The following LDOC1 variants were observed in gnomAD, a reference collection of about 807,000 sequenced individuals.
The protein encoded by LDOC1 is LDOC1 regulator of NFKB signaling.
LDOC1 carries 1 observed loss-of-function variant against 4.9 expected under a neutral mutation model. That is an observed-to-expected ratio of 0.20 (90% confidence interval 0.07 to 0.96). LDOC1 has a LOEUF of 0.96. Among genes scored for constraint, LDOC1 ranks in the 40% least tolerant of loss-of-function variants. The pLI is 0.62. For synonymous variants in LDOC1, 55 were observed against 58.3 expected (o/e 0.94, Z 0.26); for missense variants, 76 against 128.1 (o/e 0.59, Z 1.96).
upstream of LDOC1, chrX:141,177,129 CG>C: frequency 1.3e-5 from 7 of 558,270 alleles, no homozygotes; most frequent in Non-Finnish European, 1.3e-5. Context: ...TGGCCAGGGG[CG>C]GGGGGCGGGG....
Position 141,175,924 on chromosome X carries a change from A to C in LDOC1, c.*657T>G, listed in dbSNP as rs1205107123. 1 of 113,751 alleles carries C rather than the reference A, an allele frequency of 8.8e-6. No homozygotes were observed. Among genetic ancestry groups the C allele is most frequent in the African/African-American group, 3.2e-5 (1 of 30,891 alleles). The allele number at this position is 113,751 out of a possible 1,213,427, so 9.4% of individuals were successfully genotyped here. ...AATGACAGCTGTGTAAAACCAGTGCATAGGAAAAAAGAAGTGTCAACAATT... is the reference window on the plus strand; with the variant it reads ...AATGACAGCTGTGTAAAACCAGTGCCTAGGAAAAAAGAAGTGTCAACAATT... On this transcript the variant is annotated 3_prime_UTR_variant, in exon 1 of 1. Coordinates refer to ENST00000370526, the MANE Select transcript of LDOC1 (RefSeq NM_012317.4).
Position 141,177,041 on chromosome X carries a change from C to T in LDOC1, c.-20G>A. The T allele has an allele frequency of 8.4e-7, 1 of 1,187,231 alleles. No individual in the cohort carries two copies. Among genetic ancestry groups the T allele is most frequent in the Non-Finnish European group, 1.1e-6 (1 of 881,327 alleles). On this transcript the variant is annotated 5_prime_UTR_variant, in exon 1 of 1. Transcript: ENST00000370526. Reference sequence around the variant, plus strand: ...CACCATTGCGAACGGCCTGGAAGGACAGGACTCGGCTCGGTTCGGCTCGGC... The same window carrying T: ...CACCATTGCGAACGGCCTGGAAGGATAGGACTCGGCTCGGTTCGGCTCGGC...
At position 141,176,363 on chromosome X, in the gene LDOC1, G is replaced by GA. The variant is rs1235741590; in HGVS notation, c.*217dup. On this transcript the variant is annotated 3_prime_UTR_variant, in exon 1 of 1. Transcript: ENST00000370526. ...CACTTCCAAGCACTTCCGAGTGAGT[G>GA]AGGCTCCAGCCCCGACCCCAGCAGC... 4 of 467,407 alleles carry GA rather than the reference G, an allele frequency of 8.6e-6. No individual in the cohort carries two copies. In the African/African-American group the frequency reaches 9.8e-5, roughly 11 times the overall value. The allele number at this position is 467,407 out of a possible 1,213,427, so 38.5% of individuals were successfully genotyped here. A position where few individuals can be genotyped will look rare whatever the true frequency, so the allele number is the denominator to read the frequency against.
rs1324076118 is a variant in LDOC1 at position 141,173,862 on chromosome X, A to G, written c.*2719T>C. 1.8e-5 allele frequency among the ~76,000 whole-genome samples: 2 copies of G among 111,828 alleles called. No homozygotes were observed. Among genetic ancestry groups the G allele is most frequent in the African/African-American group, 6.5e-5 (2 of 30,722 alleles). ...ATTCCCAGATCTAATCACAGCCCAG[A>G]TTCTCTTCCTGGCCCTTTCCTGTAA... On this transcript the variant is annotated 3_prime_UTR_variant, in exon 1 of 1. Transcript: ENST00000370526.
Position 141,176,359 on chromosome X carries a change from G to A in LDOC1, c.*222C>T. 2.2e-6 allele frequency: 1 copy of A among 460,112 alleles called. No homozygotes were observed. Among genetic ancestry groups the A allele is most frequent in the East Asian group, 3.7e-5 (1 of 26,812 alleles). The allele number at this position is 460,112 out of a possible 1,213,427, so 37.9% of individuals were successfully genotyped here. A position where few individuals can be genotyped will look rare whatever the true frequency, so the allele number is the denominator to read the frequency against. On this transcript the variant is annotated 3_prime_UTR_variant, in exon 1 of 1. Transcript: ENST00000370526. ...ATGACACTTCCAAGCACTTCCGAGT[G>A]AGTGAGGCTCCAGCCCCGACCCCAG...
chrX:141,173,751 C>T lies in LDOC1; in HGVS notation c.*2830G>A, dbSNP rs1490330675. ...AGTTCTCCCAGATGCCATTCAGATGCTGCCTTGGCATGGCATCCTTACTGA... is the reference window on the plus strand; with the variant it reads ...AGTTCTCCCAGATGCCATTCAGATGTTGCCTTGGCATGGCATCCTTACTGA... On this transcript the variant is annotated 3_prime_UTR_variant, in exon 1 of 1. Coordinates refer to ENST00000370526, the MANE Select transcript of LDOC1 (RefSeq NM_012317.4). Among the ~76,000 whole-genome samples, 1 of 112,189 alleles carries T rather than the reference C, an allele frequency of 8.9e-6. No homozygotes were observed. The highest frequency in any genetic ancestry group is 9.4e-5 in the Admixed American group (1 of 10,607).
Position 141,176,493 on chromosome X carries a change from A to T in LDOC1, c.*88T>A. The T allele has an allele frequency of 2.7e-6, 3 of 1,098,764 alleles. No homozygotes were observed. Among genetic ancestry groups the T allele is most frequent in the Non-Finnish European group, 3.6e-6 (3 of 831,073 alleles). The allele number at this position is 1,098,764 out of a possible 1,213,427, so 90.6% of individuals were successfully genotyped here. A position where few individuals can be genotyped will look rare whatever the true frequency, so the allele number is the denominator to read the frequency against. ...GTAAGGGGACCGGAGGGCAAGGGGGAGAGCAGTGGCTCCTGGCGGGGTGAG... is the reference window on the plus strand; with the variant it reads ...GTAAGGGGACCGGAGGGCAAGGGGGTGAGCAGTGGCTCCTGGCGGGGTGAG... On this transcript the variant is annotated 3_prime_UTR_variant, in exon 1 of 1. Transcript: ENST00000370526.
rs781788373 is a variant in LDOC1, at chrX:141,176,406, T to C, written c.*175A>G. ...CCAGCAGCAGGTAACTGGAGCGCTA[T>C]TCCTGGAACAAAGACAAGCACTACG... On this transcript the variant is annotated 3_prime_UTR_variant, in exon 1 of 1. Coordinates refer to ENST00000370526, the MANE Select transcript of LDOC1 (RefSeq NM_012317.4). 14 of 601,869 alleles carry C rather than the reference T, an allele frequency of 2.3e-5. No individual in the cohort carries two copies. In the Admixed American group the frequency reaches 5.6e-4, roughly 24 times the overall value. The allele number at this position is 601,869 out of a possible 1,213,427, so 49.6% of individuals were successfully genotyped here.
chrX:141,176,608 G>GTCGTCGTCT lies in LDOC1; in HGVS notation c.405_413dup (p.Glu135_Asp137dup). ...AATAATCATCCTCCTCTTCTTCGTCGTCGTCGTCTTCGTCGTCATCCCAGC... is the reference window on the plus strand; with the variant it reads ...AATAATCATCCTCCTCTTCTTCGTCGTCGTCGTCTTCGTCGTCTTCGTCGTCATCCCAGC... On this transcript the variant is annotated inframe_insertion, in exon 1 of 1. Coordinates refer to ENST00000370526, the MANE Select transcript of LDOC1 (RefSeq NM_012317.4). The GTCGTCGTCT allele has an allele frequency of 1.7e-6, 2 of 1,210,217 alleles. No individual in the cohort carries two copies. Among genetic ancestry groups the GTCGTCGTCT allele is most frequent in the Non-Finnish European group, 2.2e-6 (2 of 894,392 alleles).
In LDOC1 at chrX:141,176,656, G is replaced by A. The variant is rs782107536; in HGVS notation, c.366C>T (p.Leu122=). The A allele has an allele frequency of 1.7e-6, 2 of 1,211,857 alleles. No individual in the cohort carries two copies. Among genetic ancestry groups the A allele is most frequent in the Non-Finnish European group, 2.2e-6 (2 of 895,464 alleles). The change falls in exon 1 of 1, where the codon CTC becomes CTT. Residue 122 remains leucine, a synonymous_variant. Coordinates refer to ENST00000370526, the MANE Select transcript of LDOC1 (RefSeq NM_012317.4). The part of the protein sequence containing the change: ...SPILGDYRAF[L]DEMKQCFGWD... ...AGCCAAAGCACTGTTTCATCTCATCGAGGAAGGCCCGGTAATCACCTAGGA... is the reference window on the plus strand; with the variant it reads ...AGCCAAAGCACTGTTTCATCTCATCAAGGAAGGCCCGGTAATCACCTAGGA...
In LDOC1 at chrX:141,176,830, G is replaced by A; in HGVS notation, c.192C>T (p.Leu64=). ...ACGCCGTCTGCACGATAAACTCGGG[G>A]AGCCGGGAGCTCTCGCCATTAAACG... ...PETFNGESSR[L]PEFIVQTASY... The change falls in exon 1 of 1, where the codon CTC becomes CTT. Residue 64 remains leucine, a synonymous_variant. Transcript: ENST00000370526. The A allele has an allele frequency of 5.0e-6, 6 of 1,211,899 alleles. No individual in the cohort carries two copies. The South Asian group carries it at 7.0e-5, about 14-fold the overall frequency.
rs1209208891 is a variant in LDOC1 at position 141,174,651 on chromosome X, T to G, written c.*1930A>C. ...AGCAGGGAAAGTTCTAAATGCTTCA[T>G]GGGTATGATCTCATTTAATCCGCAC... On this transcript the variant is annotated 3_prime_UTR_variant, in exon 1 of 1. Coordinates refer to ENST00000370526, the MANE Select transcript of LDOC1 (RefSeq NM_012317.4). Among the ~76,000 whole-genome samples, 1 of 112,125 alleles carries G rather than the reference T, an allele frequency of 8.9e-6. No individual in the cohort carries two copies. The highest frequency in any genetic ancestry group is 1.9e-5 in the Non-Finnish European group (1 of 53,248).
In LDOC1 at chrX:141,176,534, G is replaced by A. The variant is rs782178782; in HGVS notation, c.*47C>T. The A allele has an allele frequency of 2.9e-5, 34 of 1,158,019 alleles. No homozygotes were observed. Among genetic ancestry groups the A allele is most frequent in the Non-Finnish European group, 3.9e-5 (34 of 866,885 alleles). On this transcript the variant is annotated 3_prime_UTR_variant, in exon 1 of 1. Transcript: ENST00000370526. ...GCGGGGTGAGGGCTGCGGGGAGGGGGTGGCGGCGTGCAGGGCCCTCCCCCC... is the reference window on the plus strand; with the variant it reads ...GCGGGGTGAGGGCTGCGGGGAGGGGATGGCGGCGTGCAGGGCCCTCCCCCC...
At position 141,176,320 on chromosome X, in the gene LDOC1, G is replaced by T; in HGVS notation, c.*261C>A. ...AGATTAGCAGGGGAGGGATCCCGGG[G>T]ATGGCCAGGGTAGATGACACTTCCA... On this transcript the variant is annotated 3_prime_UTR_variant, in exon 1 of 1. Transcript: ENST00000370526. The T allele has an allele frequency of 1.2e-5, 5 of 413,111 alleles. No individual in the cohort carries two copies. In the Middle Eastern group the frequency reaches 2.0e-3, roughly 167 times the overall value. The allele number at this position is 413,111 out of a possible 1,213,427, so 34.0% of individuals were successfully genotyped here.
chrX:141,173,947 A>G lies in LDOC1; in HGVS notation c.*2634T>C, dbSNP rs1445765900. ...AAGCAGCAGACTGGACTCGCTATGA[A>G]GGCAGAGATCACATTTTATTCAAAG... On this transcript the variant is annotated 3_prime_UTR_variant, in exon 1 of 1. Coordinates refer to ENST00000370526, the MANE Select transcript of LDOC1 (RefSeq NM_012317.4). Among the ~76,000 whole-genome samples, 4 of 112,103 alleles carry G rather than the reference A, an allele frequency of 3.6e-5. No individual in the cohort carries two copies. Among genetic ancestry groups the G allele is most frequent in the Non-Finnish European group, 5.6e-5 (3 of 53,286 alleles).
In LDOC1 at chrX:141,176,642, T is replaced by C; in HGVS notation, c.380A>G (p.Gln127Arg). Reference sequence around the variant, plus strand: ...TTCGTCGTCATCCCAGCCAAAGCACTGTTTCATCTCATCGAGGAAGGCCCG... The same window carrying C: ...TTCGTCGTCATCCCAGCCAAAGCACCGTTTCATCTCATCGAGGAAGGCCCG... ...DYRAFLDEMK[Q>R]CFGWDDDEDD... The change falls in exon 1 of 1, where the codon CAG becomes CGG. Residue 127 changes from glutamine (Q) to arginine (R), a missense_variant. Transcript: ENST00000370526. 8.3e-7 allele frequency: 1 copy of C among 1,211,657 alleles called. No individual in the cohort carries two copies. The highest frequency in any genetic ancestry group is 2.2e-5 in the Admixed American group (1 of 46,070).
chrX:141,175,380 GCA>G lies in LDOC1; in HGVS notation c.*1199_*1200del, dbSNP rs1462786512. On this transcript the variant is annotated 3_prime_UTR_variant, in exon 1 of 1. Coordinates refer to ENST00000370526, the MANE Select transcript of LDOC1 (RefSeq NM_012317.4). ...AGGATTAAGGGGCAGAACTTCCCTG[GCA>G]CAGTGTTAAGGAATCCAAAAGCTCA... Among the ~76,000 whole-genome samples the G allele has an allele frequency of 8.9e-6, 1 of 112,100 alleles. No individual in the cohort carries two copies. Among genetic ancestry groups the G allele is most frequent in the African/African-American group, 3.2e-5 (1 of 30,795 alleles).
rs1556282524 is a variant in LDOC1, at chrX:141,173,580, A to G, written c.*3001T>C. The G allele has an allele frequency of 8.9e-6, 1 of 111,742 alleles. No homozygotes were observed. The highest frequency in any genetic ancestry group is 9.5e-5 in the Admixed American group (1 of 10,485). 9.2% of individuals were successfully genotyped at this position (111,742 alleles called of 1,213,427 possible). On this transcript the variant is annotated 3_prime_UTR_variant, in exon 1 of 1. Coordinates refer to ENST00000370526, the MANE Select transcript of LDOC1 (RefSeq NM_012317.4). ...GAATCCCTTTTCTGCATCTCACAGC[A>G]TAACCTGTTTGTCCATGATGTAAGA...
At position 141,174,330 on chromosome X, in the gene LDOC1, G is replaced by A. The variant is rs1344210061; in HGVS notation, c.*2251C>T. ...CTCAGCCTCTTTTATTAAGTCATAC[G>A]CAACCCTGTCCCCACCCTCCAGAAA... On this transcript the variant is annotated 3_prime_UTR_variant, in exon 1 of 1. Coordinates refer to ENST00000370526, the MANE Select transcript of LDOC1 (RefSeq NM_012317.4). 1.8e-5 allele frequency among the ~76,000 whole-genome samples: 2 copies of A among 111,060 alleles called. No individual in the cohort carries two copies. The highest frequency in any genetic ancestry group is 6.6e-5 in the African/African-American group (2 of 30,521).
Sources: gnomAD v4.1 joint callset for allele counts (sites outside exome capture counted in the v4.1 genomes callset) on GRCh38, gnomAD v4.1.1 for gene constraint, MANE v1.5 for transcripts, NCBI Gene and HGNC (gene_info 2026-07-23, HGNC 2026-07-21) for gene names.